The following SRBD1 variants were observed in gnomAD, a reference collection of about 807,000 sequenced individuals.
SRBD1 encodes S1 RNA binding domain 1.
In SRBD1, 88 loss-of-function variants were observed where a neutral mutation model predicts 115.3. The ratio of observed to expected loss-of-function variants is 0.76; its 90% CI spans 0.64 to 0.91. The LOEUF is 0.91. SRBD1 is among the 40% of genes least tolerant of loss of function. SRBD1 has a pLI of 0.00. For missense variants in SRBD1, 1,385 were observed against 1,177.4 expected, an observed-to-expected ratio of 1.18 and a Z score of -2.58; for synonymous variants, 509 against 407.7, an observed-to-expected ratio of 1.25 and a Z score of -2.99.
intron 16 of SRBD1, among the ~76,000 whole-genome samples, chr2:45,452,356 G>A (rs1669023239): frequency 6.6e-6 from 1 of 151,834 alleles, no homozygotes; most frequent in Non-Finnish European, 1.5e-5. Flanking sequence ...ACTTTTACCT[G>A]AGAATTTCTC....
intron 4 of SRBD1, among the ~76,000 whole-genome samples, chr2:45,592,105 T>G (rs1462874319): frequency 6.6e-5 from 10 of 152,182 alleles, no homozygotes; most frequent in Admixed American, 6.5e-4. Context: ...CACTTTTGCT[T>G]CTTCCTCATT....
intron 15 of SRBD1, among the ~76,000 whole-genome samples, chr2:45,480,629 G>A (rs1193291149): frequency 6.6e-6 from 1 of 152,158 alleles, no homozygotes; most frequent in African/African-American, 2.4e-5. Context: ...TTCTTGAGAT[G>A]GAATCTACTC....
In SRBD1 at chr2:45,602,062, ATCT is replaced by A. The variant is rs760701155; in HGVS notation, c.99_101del (p.Glu33del). 6 of 1,613,892 alleles carry A rather than the reference ATCT, an allele frequency of 3.7e-6. No homozygotes were observed. In the East Asian group the frequency reaches 6.7e-5, roughly 18 times the overall value. The stretch of plus-strand genomic sequence containing the variant: ...GCTCCCAGGCACTATCTTCCTTGTC[ATCT>A]TCTTCAGAGGCAGATGATCTAGAAG... On this transcript the variant is annotated inframe_deletion, in exon 3 of 21. Coordinates refer to ENST00000263736, the MANE Select transcript of SRBD1 (RefSeq NM_018079.5).
At chr2:45,531,617 T>G (rs1361873265) in intron 14 of SRBD1, among the ~76,000 whole-genome samples, 1 of 151,804 alleles carries the variant, frequency 6.6e-6, no homozygotes, top group Non-Finnish European at 1.5e-5. Flanking sequence ...AAATATTTTT[T>G]TCTTAAGTTG....
At chr2:45,436,031 A>G (rs910176017) in intron 16 of SRBD1, among the ~76,000 whole-genome samples, 2 of 152,204 alleles carry the variant, frequency 1.3e-5, no homozygotes, top group African/African-American at 4.8e-5. Context: ...ATCAAGTCTA[A>G]CAATCTATAA....
chr2:45,590,135 G>A (rs546157929), intron 4 of SRBD1, among the ~76,000 whole-genome samples: 6 of 152,228 alleles, frequency 3.9e-5, no homozygotes, highest in Admixed American at 6.5e-5. Context: ...GTTCAGTAAT[G>A]CTGAAATATA....
chr2:45,449,629 C>G (rs1668932314), intron 16 of SRBD1, among the ~76,000 whole-genome samples: 1 of 152,002 alleles, frequency 6.6e-6, no homozygotes, highest in Non-Finnish European at 1.5e-5. Flanking sequence ...ATAATTTTGG[C>G]CAATATTTCA....
At chr2:45,414,657 T>C (rs989109409) in intron 18 of SRBD1, among the ~76,000 whole-genome samples, 41 of 150,188 alleles carry the variant, frequency 2.7e-4, no homozygotes, top group Non-Finnish European at 4.6e-4. Context: ...AGTATGCACA[T>C]ACACACATAG....
At chr2:45,440,721 A>C (rs1469942181) in intron 16 of SRBD1, among the ~76,000 whole-genome samples, 1 of 152,184 alleles carries the variant, frequency 6.6e-6, no homozygotes, top group Non-Finnish European at 1.5e-5. Context: ...AGCCATAAGA[A>C]AGAATTTTTC....
intron 3 of SRBD1, among the ~76,000 whole-genome samples, chr2:45,600,906 C>G (rs1412196960): frequency 6.6e-6 from 1 of 152,112 alleles, no homozygotes; most frequent in African/African-American, 2.4e-5. Context: ...CAATAAAGAG[C>G]ACCTCCACCT....
chr2:45,506,556 G>A (rs1315764795), intron 14 of SRBD1, among the ~76,000 whole-genome samples: 1 of 152,042 alleles, frequency 6.6e-6, no homozygotes, highest in Non-Finnish European at 1.5e-5. Flanking sequence ...CCATACACTT[G>A]TGCCTATTTC....
intron 1 of SRBD1, among the ~76,000 whole-genome samples, chr2:45,605,790 G>A (rs2104265718): frequency 6.6e-6 from 1 of 151,980 alleles, no homozygotes; most frequent in East Asian, 1.9e-4. Context: ...TGAAATCCCA[G>A]CTACTGGGGA....
chr2:45,419,007 T>A (rs1572619192), intron 17 of SRBD1, among the ~76,000 whole-genome samples: 1 of 152,194 alleles, frequency 6.6e-6, no homozygotes, highest in African/African-American at 2.4e-5. Context: ...GAAAGGCCCT[T>A]ATCTATAATT....
intron 14 of SRBD1, among the ~76,000 whole-genome samples, chr2:45,545,306 A>AAAAAAAAAAAAAAAAAAAAAAG (rs1558468083): frequency 7.0e-6 from 1 of 142,528 alleles, no homozygotes; most frequent in African/African-American, 2.8e-5. Context: ...AAAAAAAAAA[A>AAAAAAAAAAAAAAAAAAAAAAG]AAAAAAAAAC....
intron 14 of SRBD1, among the ~76,000 whole-genome samples, chr2:45,514,800 T>C (rs551786656): frequency 2.0e-5 from 3 of 152,302 alleles, no homozygotes; most frequent in Admixed American, 6.5e-5. Context: ...TTGAAAGTGT[T>C]CCAATTTGCA....
Position 45,491,106 on chromosome 2 carries a change from G to C in SRBD1, c.1875-2775C>G, listed in dbSNP as rs1177337839. On this transcript the variant is annotated intron_variant, in intron 14 of 20. Coordinates refer to ENST00000263736, the MANE Select transcript of SRBD1 (RefSeq NM_018079.5). ...ATGATTTTTTTCCAGACATTGCTAA[G>C]AACAAAAGTTTTAATACCCTCCCTT... Among the ~76,000 whole-genome samples the C allele has an allele frequency of 4.6e-5, 7 of 152,122 alleles. No homozygotes were observed. In the East Asian group the frequency reaches 1.2e-3, roughly 25 times the overall value.
intron 16 of SRBD1, among the ~76,000 whole-genome samples, chr2:45,455,539 G>A: frequency 6.6e-6 from 1 of 151,756 alleles, no homozygotes; most frequent in East Asian, 1.9e-4. Flanking sequence ...CATTTTGTCT[G>A]ATGATGATAA....
intron 14 of SRBD1, among the ~76,000 whole-genome samples, chr2:45,537,135 C>A (rs1389631589): frequency 6.6e-6 from 1 of 152,034 alleles, no homozygotes; most frequent in Admixed American, 6.6e-5. Context: ...TAGGCTCATA[C>A]GACACAGAAA....
chr2:45,421,701 C>A (rs1668013138), intron 16 of SRBD1, among the ~76,000 whole-genome samples: 1 of 151,628 alleles, frequency 6.6e-6, no homozygotes. Context: ...TACCCAACAT[C>A]AAGGAAAACA....
Sources: allele counts gnomAD v4.1 joint callset (sites outside exome capture counted in the v4.1 genomes callset), GRCh38; gene constraint gnomAD v4.1.1; transcripts MANE v1.5; gene names NCBI Gene and HGNC (gene_info 2026-07-23, HGNC 2026-07-21).